CPNE7: variants seen among roughly 807,000 people sequenced by gnomAD.
The protein encoded by CPNE7 is copine 7.
CPNE7 carries 78 observed loss-of-function variants against 66.5 expected under a neutral mutation model. The ratio of observed to expected loss-of-function variants is 1.17; its 90% CI spans 0.98 to 1.42. The LOEUF is 1.42. Among genes scored for constraint, CPNE7 ranks in the 40% most tolerant of loss-of-function variants. The pLI, the probability that CPNE7 is intolerant of heterozygous loss-of-function variation, is 0.00. For synonymous variants in CPNE7, 468 were observed against 336.7 expected (o/e 1.39, Z -4.27); for missense variants, 1,012 against 776.6 (o/e 1.30, Z -3.60).
At position 89,595,606 on chromosome 16, in the gene CPNE7, G is replaced by A. The variant is rs1750717053; in HGVS notation, c.1539+3G>A. ...TGCCCTTCCGGGAGCTCAAGAACGT[G>A]AGTGTCCTGGAGGGGCTCCGTCAAG... is the stretch of plus-strand genomic sequence containing the variant. On this transcript the variant is annotated splice_donor_region_variant and intron_variant, in intron 14 of 14. Transcript: ENST00000319518. 1 of 1,595,764 alleles carries A rather than the reference G, an allele frequency of 6.3e-7. No homozygotes were observed. The highest frequency in any genetic ancestry group is 1.3e-5 in the African/African-American group (1 of 74,630).
chr16:89,583,576 C>T (rs1361253248), intron 2 of CPNE7, 121 bp from the exon 3 acceptor site: 1 of 1,601,518 alleles, frequency 6.2e-7, no homozygotes, highest in Admixed American at 1.7e-5. Context: ...GGCAGTGAAG[C>T]TCATGGTGGG....
Position 89,588,673 on chromosome 16 carries a change from A to C in CPNE7, c.928-2A>C, listed in dbSNP as rs759055540. 3.1e-6 allele frequency: 5 copies of C among 1,613,044 alleles called. No individual in the cohort carries two copies. The highest frequency in any genetic ancestry group is 4.2e-6 in the Non-Finnish European group (5 of 1,179,902). On this transcript the variant is annotated splice_acceptor_variant, in intron 9 of 14. Coordinates refer to ENST00000319518, the MANE Select transcript of CPNE7 (RefSeq NM_153636.3). LOFTEE classifies it high-confidence loss of function. ...CAGCTCCTGGCTCCCGGCCCACTGCAGGTGGCCATTGACTTCACCGCCTCC... is the reference window on the plus strand; with the variant it reads ...CAGCTCCTGGCTCCCGGCCCACTGCCGGTGGCCATTGACTTCACCGCCTCC...
At chr16:89,588,111 T>A (rs570745865) in intron 9 of CPNE7, among the ~76,000 whole-genome samples, 18 of 37,788 alleles carry the variant, frequency 4.8e-4, no homozygotes, top group South Asian at 1.9e-3. Flanking sequence ...CACCCACAGA[T>A]ACACGGCCCC....
In CPNE7 at chr16:89,596,585, C is replaced by T. The variant is rs1444019810; in HGVS notation, c.1641C>T (p.Val547=). 1.2e-6 allele frequency: 2 copies of T among 1,607,328 alleles called. No individual in the cohort carries two copies. The highest frequency in any genetic ancestry group is 1.7e-6 in the Non-Finnish European group (2 of 1,179,538). The part of the protein sequence containing the change: ...HRGLPPRSLG[V]PAGEASPGCT... Reference sequence around the variant, plus strand: ...GCCTGCCCCCGAGAAGCCTGGGTGTCCCTGCCGGAGAGGCCAGCCCAGGCT... The same window carrying T: ...GCCTGCCCCCGAGAAGCCTGGGTGTTCCTGCCGGAGAGGCCAGCCCAGGCT... The change falls in exon 15 of 15, where the codon GTC becomes GTT. Residue 547 remains valine (V), a synonymous_variant. Coordinates refer to ENST00000319518, the MANE Select transcript of CPNE7 (RefSeq NM_153636.3).
In CPNE7 at chr16:89,585,623, G is replaced by A. The variant is rs2059022777; in HGVS notation, c.682-64G>A. 2.6e-6 allele frequency: 4 copies of A among 1,551,086 alleles called. 1 individual carries two copies. The South Asian group carries it at 3.5e-5, about 13-fold the overall frequency. On this transcript the variant is annotated intron_variant, in intron 6 of 14. Coordinates refer to ENST00000319518, the MANE Select transcript of CPNE7 (RefSeq NM_153636.3). ...GATGTGGGCTGCGATGGAGACACCT[G>A]GGCTCGGGTGGGAGGGTCCTGGGGC...
intron 13 of CPNE7, among the ~76,000 whole-genome samples, chr16:89,592,249 C>T (rs551864163): frequency 0.01 from 1,561 of 149,860 alleles, 44 homozygotes; most frequent in African/African-American, 0.037. Flanking sequence ...CTCCTGACCT[C>T]GTGATCCACC....
rs1486360397 is a variant in CPNE7 at position 89,595,376 on chromosome 16, A to G, written c.1312A>G (p.Ile438Val). The change falls in exon 14 of 15, where the codon ATC becomes GTC. Residue 438 changes from isoleucine to valine, a missense_variant. Coordinates refer to ENST00000319518, the MANE Select transcript of CPNE7 (RefSeq NM_153636.3). ...TTTCCTGTGCCCCCAGCAATACTAC[A>G]TCCTGCTGATCCTGACGGACGGCGT... ...ESTGKASQYY[I>V]LLILTDGVVT... The G allele has an allele frequency of 3.2e-6, 5 of 1,574,568 alleles. No homozygotes were observed. Among genetic ancestry groups the G allele is most frequent in the Non-Finnish European group, 4.3e-6 (5 of 1,156,192 alleles).
In CPNE7 at chr16:89,583,791, C is replaced by T. The variant is rs1208083593; in HGVS notation, c.432+20C>T. On this transcript the variant is annotated intron_variant, in intron 3 of 14. Transcript: ENST00000319518. ...ATCACGGTGAGACCCGGGCGCACCC[C>T]TGCAGCCTGCAGGCCCTGCTGCTGT... The T allele has an allele frequency of 1.2e-6, 2 of 1,611,464 alleles. No individual in the cohort carries two copies.
intron 13 of CPNE7, among the ~76,000 whole-genome samples, chr16:89,592,198 TAG>T (rs1322890302): frequency 4.1e-5 from 6 of 147,732 alleles, no homozygotes; most frequent in African/African-American, 1.3e-4. Flanking sequence ...GTATTTTTAG[TAG>T]AGACGGGGTT....
At chr16:89,593,713 G>A (rs1394590675) in intron 13 of CPNE7, among the ~76,000 whole-genome samples, 1 of 152,150 alleles carries the variant, frequency 6.6e-6, no homozygotes, top group Non-Finnish European at 1.5e-5. Flanking sequence ...TATAACCATA[G>A]CACAAATACA....
At chr16:89,586,036 GGGGGCATTCAGGGAGGGGCAGGT>G (rs2059033221) in intron 7 of CPNE7, among the ~76,000 whole-genome samples, 2 of 127,902 alleles carry the variant, frequency 1.6e-5, no homozygotes, top group Non-Finnish European at 3.4e-5. Context: ...AGCAGGGGGA[GGGGGCATTCAGGGAGGGGCAGGT>G]GAGGGGGGCC....
At chr16:89,587,762 TGTC>T (rs1190829312) in intron 9 of CPNE7, 14 of 57,152 alleles carry the variant, frequency 2.4e-4, no homozygotes, top group Middle Eastern at 9.4e-3. Flanking sequence ...GTCACCCGCG[TGTC>T]ACCCACAGAA....
intron 6 of CPNE7, 53 bp from the exon 7 acceptor site, chr16:89,585,634 G>A: frequency 6.5e-7 from 1 of 1,550,074 alleles, no homozygotes; most frequent in Non-Finnish European, 8.8e-7. Context: ...GGCTCGGGTG[G>A]GAGGGTCCTG....
At chr16:89,593,641 C>T (rs1262890309) in intron 13 of CPNE7, among the ~76,000 whole-genome samples, 5 of 152,194 alleles carry the variant, frequency 3.3e-5, no homozygotes, top group East Asian at 1.9e-4. Flanking sequence ...CGTGAGCCAC[C>T]GCGCCCGGCC....
intron 7 of CPNE7, 39 bp from the exon 8 acceptor site, chr16:89,586,631 G>A (rs1221796390): frequency 2.6e-6 from 4 of 1,557,172 alleles, no homozygotes; most frequent in Non-Finnish European, 3.5e-6. Flanking sequence ...GGTGTTCAGA[G>A]CCACCACTCT....
intron 13 of CPNE7, among the ~76,000 whole-genome samples, chr16:89,593,385 G>A (rs548933232): frequency 1.3e-5 from 2 of 148,596 alleles, no homozygotes; most frequent in East Asian, 2.0e-4. Flanking sequence ...ATGGAGTCTC[G>A]CTCTTCACCC....
chr16:89,576,339 C>T (rs1414660707), intron 1 of CPNE7, among the ~76,000 whole-genome samples: 1 of 151,618 alleles, frequency 6.6e-6, no homozygotes, highest in Non-Finnish European at 1.5e-5. Context: ...GGGTGCGGCC[C>T]AGGGTTCGGG....
Position 89,588,724 on chromosome 16 carries a change from C to G in CPNE7, c.977C>G (p.Ser326Cys). The G allele has an allele frequency of 6.2e-7, 1 of 1,613,610 alleles. No homozygotes were observed. The highest frequency in any genetic ancestry group is 8.5e-7 in the Non-Finnish European group (1 of 1,179,964). Residue 326 changes from serine to cysteine, a missense_variant, in exon 10 of 15, where the codon TCC becomes TGC. Physicochemically the swap from Ser to Cys is moderately radical, Grantham distance 112 (BLOSUM62 -1). Coordinates refer to ENST00000319518, the MANE Select transcript of CPNE7 (RefSeq NM_153636.3). ...AATGGAGACCCGCGGAACAGCTGCTCCCTGCACTACATCAACCCCTACCAG... is the reference window on the plus strand; with the variant it reads ...AATGGAGACCCGCGGAACAGCTGCTGCCTGCACTACATCAACCCCTACCAG... ...ASNGDPRNSC[S>C]LHYINPYQPN...
At chr16:89,596,015 A>C in intron 14 of CPNE7, 1 of 476,276 alleles carries the variant, frequency 2.1e-6, no homozygotes, top group Non-Finnish European at 4.1e-6. Flanking sequence ...CTACCAGGCA[A>C]GACACACATG....
Sources: gnomAD v4.1 joint callset for allele counts (sites outside exome capture counted in the v4.1 genomes callset) on GRCh38, gnomAD v4.1.1 for gene constraint, MANE v1.5 for transcripts, NCBI Gene and HGNC (gene_info 2026-07-23, HGNC 2026-07-21) for gene names.